PNOC: variants seen among roughly 807,000 people sequenced by gnomAD.
PNOC encodes the protein nociceptin.
A neutral mutation model predicts 15.6 loss-of-function variants in PNOC; 10 were observed. The ratio of observed to expected loss-of-function variants is 0.64; its 90% CI spans 0.40 to 1.09. PNOC has a LOEUF of 1.09. Among genes scored for constraint, PNOC ranks in the 50% least tolerant of loss-of-function variants. The pLI is 0.01. For missense variants in PNOC, 220 were observed against 223.9 expected (o/e 0.98, Z 0.11); for synonymous variants, 98 against 88.5 (o/e 1.11, Z -0.60).
chr8:28,321,201 G>A (rs1801146496), intron 1 of PNOC, among the ~76,000 whole-genome samples: 2 of 128,256 alleles, frequency 1.6e-5, no homozygotes, highest in African/African-American at 2.9e-5. Context: ...ACCACACCTA[G>A]CTAAATTTTT....
chr8:28,320,850 C>CAAAAAA, intron 1 of PNOC, among the ~76,000 whole-genome samples: 1 of 58,014 alleles, frequency 1.7e-5, no homozygotes, highest in Non-Finnish European at 3.5e-5. Flanking sequence ...GACTCCATCT[C>CAAAAAA]AAAAAAAAAA....
At chr8:28,336,031 C>CTAAGTACACTCCTGCAACAGTACATT (rs1438557163) in intron 2 of PNOC, among the ~76,000 whole-genome samples, 9 of 152,186 alleles carry the variant, frequency 5.9e-5, no homozygotes. Flanking sequence ...CAACAGTGCG[C>CTAAGTACACTCCTGCAACAGTACATT]ATGCTAAGCA....
chr8:28,323,485 A>G (rs1174143520), intron 1 of PNOC, among the ~76,000 whole-genome samples: 1 of 152,242 alleles, frequency 6.6e-6, no homozygotes, highest in Non-Finnish European at 1.5e-5. Flanking sequence ...TGAGGCTCAC[A>G]GAAGTGAAAT....
intron 2 of PNOC, among the ~76,000 whole-genome samples, chr8:28,337,229 G>A (rs192671654): frequency 3.3e-5 from 5 of 152,196 alleles, no homozygotes. Context: ...GAAAGTTGGA[G>A]GAAGAGGAAA....
chr8:28,335,217 CCTT>C (rs773737510), intron 2 of PNOC, among the ~76,000 whole-genome samples: 51 of 152,332 alleles, frequency 3.3e-4, no homozygotes, highest in Non-Finnish European at 5.3e-4. Context: ...CTCATAGAAT[CCTT>C]CTTCTTGCAT....
chr8:28,339,060 A>G lies in PNOC; in HGVS notation c.147A>G (p.Glu49=). The G allele has an allele frequency of 6.3e-7, 1 of 1,587,368 alleles. No individual in the cohort carries two copies. The highest frequency in any genetic ancestry group is 8.6e-7 in the Non-Finnish European group (1 of 1,158,354). The change falls in exon 3 of 4, where the codon GAA becomes GAG. Residue 49 remains glutamate, a synonymous_variant. Coordinates refer to ENST00000301908, the MANE Select transcript of PNOC (RefSeq NM_006228.5). ...TGCAGGTGTGCATCCTCGAGTGTGA[A>G]GAGAAGGTCTTCCCCAGCCCCCTCT... ...FDLEVCILEC[E]EKVFPSPLWT...
At chr8:28,327,565 C>CTTTTTTTTT (rs1369152376) in intron 1 of PNOC, among the ~76,000 whole-genome samples, 3 of 145,566 alleles carry the variant, frequency 2.1e-5, no homozygotes, top group African/African-American at 2.5e-5. Context: ...ACATAAAATT[C>CTTTTTTTTT]TTTTCTTTTT....
chr8:28,322,744 A>C (rs1801170204), intron 1 of PNOC, among the ~76,000 whole-genome samples: 1 of 152,248 alleles, frequency 6.6e-6, no homozygotes, highest in Non-Finnish European at 1.5e-5. Context: ...CCAAAAGCAG[A>C]AACAGTGTGT....
chr8:28,324,698 A>G (rs1050442417), intron 1 of PNOC, among the ~76,000 whole-genome samples: 2 of 152,074 alleles, frequency 1.3e-5, no homozygotes, highest in African/African-American at 4.8e-5. Flanking sequence ...ACCCATCTCT[A>G]CTAATAATAC....
At position 28,332,062 on chromosome 8, in the gene PNOC, T is replaced by C. The variant is rs374025513; in HGVS notation, c.126+2779T>C. Among the ~76,000 whole-genome samples the C allele has an allele frequency of 1.8e-4, 27 of 152,204 alleles. No individual in the cohort carries two copies. In the South Asian group the frequency reaches 4.4e-3, roughly 25 times the overall value. ...TCCATAGCATCTTAAATATCTGGGG[T>C]CTAGACAACATTATCAGCTCTACTT... On this transcript the variant is annotated intron_variant, in intron 2 of 3. Coordinates refer to ENST00000301908, the MANE Select transcript of PNOC (RefSeq NM_006228.5).
intron 2 of PNOC, chr8:28,338,676 C>T (rs1801455764): frequency 9.9e-7 from 1 of 1,014,254 alleles, no homozygotes; most frequent in African/African-American, 1.7e-5. Flanking sequence ...TTATGGGTGA[C>T]AGTCATGAGC....
At chr8:28,336,154 CTTCTTGATTAA>C (rs1231707877) in intron 2 of PNOC, among the ~76,000 whole-genome samples, 1 of 152,172 alleles carries the variant, frequency 6.6e-6, no homozygotes, top group Non-Finnish European at 1.5e-5. Context: ...TATAGAGTGA[CTTCTTGATTAA>C]TTCATCTCAG....
chr8:28,334,044 C>T (rs1457362708), intron 2 of PNOC, among the ~76,000 whole-genome samples: 2 of 139,624 alleles, frequency 1.4e-5, no homozygotes, highest in African/African-American at 6.0e-5. Flanking sequence ...CCTCTAGGTG[C>T]CAGTAACACA....
intron 1 of PNOC, among the ~76,000 whole-genome samples, chr8:28,320,830 G>A (rs1801139403): frequency 7.0e-6 from 1 of 142,838 alleles, no homozygotes; most frequent in South Asian, 2.2e-4. Flanking sequence ...CTGCCTGGGT[G>A]ACAGAGCGAG....
intron 2 of PNOC, among the ~76,000 whole-genome samples, chr8:28,331,370 C>A (rs138744301): frequency 6.6e-6 from 1 of 152,290 alleles, no homozygotes; most frequent in African/African-American, 2.4e-5. Context: ...CACCAGCCCT[C>A]TCTCGGTCCA....
intron 1 of PNOC, among the ~76,000 whole-genome samples, chr8:28,317,673 T>G (rs73570751): frequency 2.0e-5 from 3 of 152,148 alleles, no homozygotes; most frequent in African/African-American, 7.2e-5. Flanking sequence ...GGGCAGGCAC[T>G]TGGGAGGGGG....
chr8:28,328,717 A>T (rs1250825827), intron 1 of PNOC, among the ~76,000 whole-genome samples: 1 of 152,184 alleles, frequency 6.6e-6, no homozygotes, highest in Non-Finnish European at 1.5e-5. Context: ...TTTATGGGCT[A>T]TGAAAACTGA....
chr8:28,340,502 C>G (rs1801498926), intron 3 of PNOC, among the ~76,000 whole-genome samples: 1 of 152,234 alleles, frequency 6.6e-6, no homozygotes, highest in Non-Finnish European at 1.5e-5. Flanking sequence ...AAACTCCCAA[C>G]CATCAAGGCT....
chr8:28,325,902 G>C (rs532701244), intron 1 of PNOC, among the ~76,000 whole-genome samples: 3 of 152,072 alleles, frequency 2.0e-5, no homozygotes, highest in Non-Finnish European at 4.4e-5. Context: ...TCATTAGGTG[G>C]ACTAATTAGG....
Sources: allele counts gnomAD v4.1 joint callset (sites outside exome capture counted in the v4.1 genomes callset), GRCh38; gene constraint gnomAD v4.1.1; transcripts MANE v1.5; gene names NCBI Gene and HGNC (gene_info 2026-07-23, HGNC 2026-07-21).